Variants in NOS1 observed in about 807,000 individuals in gnomAD.
NOS1 encodes the protein NOS type I.
In NOS1, 51 loss-of-function variants were observed where a neutral mutation model predicts 164.5. The ratio of observed to expected loss-of-function variants is 0.31; its 90% confidence interval spans 0.25 to 0.39. The LOEUF is 0.39. Among genes scored for constraint, NOS1 ranks in the 10% least tolerant of loss-of-function variants. The pLI is 1.00. For synonymous variants in NOS1, 719 were observed against 745.8 expected, an observed-to-expected ratio of 0.96 and a Z score of 0.59; for missense variants, 1,362 against 1,885.6, an observed-to-expected ratio of 0.72 and a Z score of 5.14.
chr12:117,299,903 C>T (rs1873701267), intron 3 of NOS1, among the ~76,000 whole-genome samples: 2 of 151,876 alleles, frequency 1.3e-5, no homozygotes. Flanking sequence ...AGCTTGGTCC[C>T]ATTACCAGAC....
chr12:117,291,586 T>G (rs1592995072), intron 3 of NOS1, among the ~76,000 whole-genome samples: 1 of 145,120 alleles, frequency 6.9e-6, no homozygotes, highest in Non-Finnish European at 1.5e-5. Flanking sequence ...TAGGCTGGAG[T>G]GCAGTGGTCC....
intron 10 of NOS1, among the ~76,000 whole-genome samples, chr12:117,271,601 C>CTGAT (rs1375906956): frequency 6.6e-6 from 1 of 152,176 alleles, no homozygotes; most frequent in Non-Finnish European, 1.5e-5. Context: ...CAGCACAAAC[C>CTGAT]TGATGCTCGG....
intron 1 of NOS1, among the ~76,000 whole-genome samples, chr12:117,357,420 T>C (rs1876905301): frequency 1.3e-5 from 2 of 152,208 alleles, no homozygotes; most frequent in Admixed American, 6.5e-5. Context: ...AAGATGAAAT[T>C]AAATTTCTTT....
chr12:117,359,454 A>G (rs999196501), intron 1 of NOS1, among the ~76,000 whole-genome samples: 1 of 152,204 alleles, frequency 6.6e-6, no homozygotes, highest in Non-Finnish European at 1.5e-5. Context: ...CCCGACCCCA[A>G]TTAGAGAAGC....
chr12:117,280,000 G>T (rs1369588682), intron 8 of NOS1, among the ~76,000 whole-genome samples: 1 of 152,204 alleles, frequency 6.6e-6, no homozygotes, highest in Non-Finnish European at 1.5e-5. Context: ...GGTATTATTT[G>T]GGTGATAAAG....
chr12:117,227,397 C>T (rs1364795160), intron 23 of NOS1, 34 bp downstream of exon 23: 2 of 1,605,248 alleles, frequency 1.2e-6, no homozygotes, highest in Non-Finnish European at 1.7e-6. Flanking sequence ...GGGGAAAATG[C>T]AGCTGAGGAG....
rs748387925 is a variant in NOS1 at position 117,286,232 on chromosome 12, C to G, written c.1162G>C (p.Glu388Gln). ...GSKAHMERLE[E>Q]VNKEIDTTST... is the part of the protein sequence containing the mutation. ...GTGGTGTCGATCTCTTTGTTCACCTCTTCCAGCCTTTCCATGTGGGCTTTG... is the reference window on the plus strand; with the variant it reads ...GTGGTGTCGATCTCTTTGTTCACCTGTTCCAGCCTTTCCATGTGGGCTTTG... Residue 388 changes from glutamate (E) to glutamine (Q), a missense_variant, in exon 6 of 29, where the codon GAG becomes CAG. Around this residue, in one of 4 missense-constraint regions of NOS1, gnomAD observed 129 missense variants for 186.0 expected, o/e 0.69. Transcript: ENST00000317775. 1.2e-6 allele frequency: 2 copies of G among 1,614,090 alleles called. No homozygotes were observed. Among genetic ancestry groups the G allele is most frequent in the East Asian group, 4.5e-5 (2 of 44,866 alleles).
chr12:117,256,038 C>G (rs758597946), intron 16 of NOS1: 16 of 1,415,296 alleles, frequency 1.1e-5, no homozygotes, highest in Non-Finnish European at 1.5e-5. Flanking sequence ...TTCCGGGTAC[C>G]TAGAGGGGAG....
rs1373704014 is a variant in NOS1 at position 117,356,198 on chromosome 12, A to G, written c.-421+5314T>C. Reference sequence around the variant, plus strand: ...TTATAATCTCTGCTGTATGAATGACATGCTGGAGAGTCAGAGATGTTAATT... The same window carrying G: ...TTATAATCTCTGCTGTATGAATGACGTGCTGGAGAGTCAGAGATGTTAATT... On this transcript the variant is annotated intron_variant, in intron 1 of 28. Transcript: ENST00000317775. This position sits in a 1 kb window ranked among gnomAD's most constrained non-coding sequence, Gnocchi z 4.2. Among the ~76,000 whole-genome samples the G allele has an allele frequency of 6.6e-6, 1 of 152,210 alleles. No individual in the cohort carries two copies. The highest frequency in any genetic ancestry group is 1.9e-4 in the East Asian group (1 of 5,196).
intron 1 of NOS1, among the ~76,000 whole-genome samples, chr12:117,341,884 T>C (rs1374282702): frequency 6.6e-6 from 1 of 152,240 alleles, no homozygotes; most frequent in Non-Finnish European, 1.5e-5. Flanking sequence ...ATAATTCATC[T>C]ATAGCATGTG....
At chr12:117,359,793 C>A (rs1161981343) in intron 1 of NOS1, among the ~76,000 whole-genome samples, 2 of 148,374 alleles carry the variant, frequency 1.3e-5, no homozygotes, top group Non-Finnish European at 3.0e-5. Flanking sequence ...GTGGGGTAGA[C>A]CCCCCGGTTC....
chr12:117,337,751 G>A (rs1875907253), intron 1 of NOS1, among the ~76,000 whole-genome samples: 1 of 152,084 alleles, frequency 6.6e-6, no homozygotes, highest in Admixed American at 6.6e-5. Context: ...ATAGTAGAAT[G>A]TCCCCTGGGC....
chr12:117,361,122 C>T (rs1246378250), intron 1 of NOS1, among the ~76,000 whole-genome samples: 1 of 152,236 alleles, frequency 6.6e-6, no homozygotes, highest in East Asian at 1.9e-4. Flanking sequence ...GGATCAGGAA[C>T]TCACCTGACG....
chr12:117,347,488 C>G (rs908634114), intron 1 of NOS1, among the ~76,000 whole-genome samples: 1 of 152,120 alleles, frequency 6.6e-6, no homozygotes, highest in Non-Finnish European at 1.5e-5. Context: ...TCTGGTTCCC[C>G]TGCAAAACCC....
chr12:117,346,930 T>C (rs1396042924), intron 1 of NOS1, among the ~76,000 whole-genome samples: 1 of 152,196 alleles, frequency 6.6e-6, no homozygotes, highest in Admixed American at 6.5e-5. Context: ...GGTATACAAA[T>C]GAATTGCGTT....
intron 2 of NOS1, among the ~76,000 whole-genome samples, chr12:117,327,148 G>A (rs372854818): frequency 3.7e-4 from 56 of 152,310 alleles, no homozygotes; most frequent in Non-Finnish European, 5.1e-4. Flanking sequence ...TATTAGATAC[G>A]GCTGGGATTC....
chr12:117,322,335 TTCCCTCCCTC>T (rs1875002533), intron 2 of NOS1, among the ~76,000 whole-genome samples: 1 of 127,668 alleles, frequency 7.8e-6, no homozygotes, highest in Non-Finnish European at 1.7e-5. Context: ...CCCTCCTTCC[TTCCCTCCCTC>T]CTTCCATCCT....
intron 16 of NOS1, 100 bp from the exon 17 acceptor site, chr12:117,253,854 C>T (rs1247979755): frequency 1.3e-6 from 1 of 768,854 alleles, no homozygotes; most frequent in Admixed American, 2.1e-5. Context: ...GATTCTAGGG[C>T]CTTCTCTTGT....
rs1042105810 is a variant in NOS1, at chr12:117,210,019, C to T, written c.*5290G>A. ...ACAGGGTCTTGCTCTGTCACTCAGG[C>T]TGGAGTGCAGTGGTGCGATCCTAGC... On this transcript the variant is annotated 3_prime_UTR_variant, in exon 29 of 29. Transcript: ENST00000317775. 1 of 975,684 alleles carries T rather than the reference C, an allele frequency of 1.0e-6. No individual in the cohort carries two copies. Among genetic ancestry groups the T allele is most frequent in the Non-Finnish European group, 1.2e-6 (1 of 821,112 alleles). The allele number at this position is 975,684 out of a possible 1,614,324, so 60.4% of individuals were successfully genotyped here. A position where few individuals can be genotyped will look rare whatever the true frequency, so the allele number is the denominator to read the frequency against.
Sources: allele counts gnomAD v4.1 joint callset (sites outside exome capture counted in the v4.1 genomes callset), GRCh38; gene constraint gnomAD v4.1.1; regional missense constraint gnomAD v4.1.1; non-coding constraint Gnocchi (gnomAD v3.1); transcripts MANE v1.5; gene names NCBI Gene and HGNC (gene_info 2026-07-23, HGNC 2026-07-21).